Variants in FNDC3B observed in about 807,000 individuals in gnomAD.
FNDC3B encodes the protein fibronectin type III domain-containing protein 3B.
FNDC3B carries 12 observed loss-of-function variants against 151.5 expected under a neutral mutation model. The observed-to-expected ratio is 0.08, with a 90% confidence interval of 0.05 to 0.13. The LOEUF (loss-of-function observed/expected upper bound fraction) is 0.13. Ranked by LOEUF, FNDC3B falls within the 10% of genes least tolerant of loss-of-function variation. FNDC3B has a pLI of 1.00. For missense variants in FNDC3B, 1,214 were observed against 1,505.3 expected (o/e 0.81, Z 3.20); for synonymous variants, 528 against 549.0 (o/e 0.96, Z 0.54).
At chr3:172,074,972 A>G (rs1014882355) in intron 1 of FNDC3B, among the ~76,000 whole-genome samples, 5 of 152,212 alleles carry the variant, frequency 3.3e-5, no homozygotes, top group South Asian at 2.1e-4. Context: ...ACATGATCCA[A>G]TCACAACTAT....
At chr3:172,347,465 T>C in intron 21 of FNDC3B, 104 bp downstream of exon 21, 1 of 822,582 alleles carries the variant, frequency 1.2e-6, no homozygotes. Context: ...TCAGGAGGGA[T>C]GATATGGAAA....
intron 12 of FNDC3B, chr3:172,330,325 T>A (rs1286646664): frequency 2.1e-6 from 1 of 466,604 alleles, no homozygotes; most frequent in Non-Finnish European, 3.8e-6. Flanking sequence ...TATTGTCCTG[T>A]GACTTGGTGT....
chr3:172,140,056 T>C (rs1721545075), intron 3 of FNDC3B, among the ~76,000 whole-genome samples: 1 of 152,218 alleles, frequency 6.6e-6, no homozygotes, highest in African/African-American at 2.4e-5. Flanking sequence ...GAAAATCTTC[T>C]AGAATTGAAA....
chr3:172,277,820 C>G (rs1292152484), intron 6 of FNDC3B, among the ~76,000 whole-genome samples: 2 of 152,160 alleles, frequency 1.3e-5, no homozygotes, highest in East Asian at 3.9e-4. Context: ...CCTTACCCTT[C>G]CCTTTTGTTT....
At chr3:172,231,879 G>GC (rs768950627) in intron 4 of FNDC3B, among the ~76,000 whole-genome samples, 1 of 104,502 alleles carries the variant, frequency 9.6e-6, no homozygotes, top group Non-Finnish European at 1.8e-5. Context: ...TTTATTTACC[G>GC]TTTTTTTTTT....
chr3:172,132,887 AT>A (rs1721174354), intron 2 of FNDC3B, among the ~76,000 whole-genome samples: 1 of 152,214 alleles, frequency 6.6e-6, no homozygotes. Flanking sequence ...ATTTATGTTC[AT>A]ATAAGTAAAA....
intron 3 of FNDC3B, among the ~76,000 whole-genome samples, chr3:172,145,167 T>C (rs1239921022): frequency 6.6e-6 from 1 of 152,216 alleles, no homozygotes; most frequent in African/African-American, 2.4e-5. Context: ...TGTTTTGTTA[T>C]CTTTCTAGCT....
At chr3:172,098,253 G>T (rs1719189444) in intron 1 of FNDC3B, among the ~76,000 whole-genome samples, 1 of 152,104 alleles carries the variant, frequency 6.6e-6, no homozygotes, top group Non-Finnish European at 1.5e-5. Context: ...GAGGCTAGTA[G>T]TTTAGTATTG....
At chr3:172,071,967 G>A (rs1335966781) in intron 1 of FNDC3B, among the ~76,000 whole-genome samples, 2 of 151,790 alleles carry the variant, frequency 1.3e-5, no homozygotes, top group Non-Finnish European at 2.9e-5. Context: ...GGTCAGAATT[G>A]TAACAGTTGA....
At chr3:172,043,107 G>A (rs1716173897) in intron 1 of FNDC3B, among the ~76,000 whole-genome samples, 1 of 152,020 alleles carries the variant, frequency 6.6e-6, no homozygotes, top group African/African-American at 2.4e-5. Context: ...AGTAGAGACG[G>A]GTTTTCACCA....
At chr3:172,212,581 G>C (rs1427134328) in intron 3 of FNDC3B, among the ~76,000 whole-genome samples, 1 of 152,186 alleles carries the variant, frequency 6.6e-6, no homozygotes, top group Non-Finnish European at 1.5e-5. Flanking sequence ...GAAGAATTTA[G>C]AAATTGTCAG....
chr3:172,376,581 T>C (rs1015620196), intron 23 of FNDC3B, among the ~76,000 whole-genome samples: 2 of 152,228 alleles, frequency 1.3e-5, no homozygotes, highest in Non-Finnish European at 2.9e-5. Flanking sequence ...GCTGTTTGGC[T>C]CTGGCATTAG....
At chr3:172,115,839 G>A (rs1033706303) in intron 2 of FNDC3B, among the ~76,000 whole-genome samples, 7 of 152,120 alleles carry the variant, frequency 4.6e-5, no homozygotes, top group Admixed American at 1.3e-4. Context: ...TATTTACAGC[G>A]TTCTTAATAC....
At chr3:172,170,298 TTC>T (rs1723222821) in intron 3 of FNDC3B, among the ~76,000 whole-genome samples, 1 of 152,232 alleles carries the variant, frequency 6.6e-6, no homozygotes, top group Non-Finnish European at 1.5e-5. Flanking sequence ...ATATGTTTGT[TTC>T]TCTCCTTCCC....
At chr3:172,119,361 T>G (rs1720423801) in intron 2 of FNDC3B, among the ~76,000 whole-genome samples, 1 of 144,158 alleles carries the variant, frequency 6.9e-6, no homozygotes. Flanking sequence ...GCAGTCTAGT[T>G]GAGGAGCAAA....
At chr3:172,315,136 G>A (rs1731714301) in intron 11 of FNDC3B, among the ~76,000 whole-genome samples, 1 of 152,134 alleles carries the variant, frequency 6.6e-6, no homozygotes, top group African/African-American at 2.4e-5. Context: ...TAGCACTTTG[G>A]GAGGCCCAGA....
intron 1 of FNDC3B, among the ~76,000 whole-genome samples, chr3:172,072,084 C>T (rs1232654935): frequency 1.3e-5 from 2 of 149,912 alleles, no homozygotes; most frequent in Non-Finnish European, 1.5e-5. Context: ...AATGAAAATA[C>T]GGCATTTTAC....
intron 1 of FNDC3B, among the ~76,000 whole-genome samples, chr3:172,050,483 A>C (rs1184151358): frequency 1.3e-5 from 2 of 151,724 alleles, no homozygotes; most frequent in Non-Finnish European, 2.9e-5. Context: ...TCCTGGGTTC[A>C]TGTGATTCTC....
At chr3:172,041,417 C>CT (rs1560378048) in intron 1 of FNDC3B, among the ~76,000 whole-genome samples, 166 of 24,204 alleles carry the variant, frequency 6.9e-3, no homozygotes, top group Non-Finnish European at 0.012. Context: ...CTCTCTCCTT[C>CT]CTTCCTTCCT....
Sources: gnomAD v4.1 joint callset for allele counts (sites outside exome capture counted in the v4.1 genomes callset) on GRCh38, gnomAD v4.1.1 for gene constraint, MANE v1.5 for transcripts, NCBI Gene and HGNC (gene_info 2026-07-23, HGNC 2026-07-21) for gene names.